OPRD1: variants seen among roughly 807,000 people sequenced by gnomAD.
The protein encoded by OPRD1 is delta-type opioid receptor.
In OPRD1, 19 loss-of-function variants were observed where a neutral mutation model predicts 17.5. That is an observed-to-expected ratio of 1.09 (90% CI 0.76 to 1.60). OPRD1 has a LOEUF of 1.60. OPRD1 is among the 40% of genes most tolerant of loss of function. The pLI, the probability that OPRD1 is intolerant of heterozygous loss-of-function variation, is 0.00. For missense variants in OPRD1, 483 were observed against 547.2 expected, an observed-to-expected ratio of 0.88 and a Z score of 1.17; for synonymous variants, 256 against 240.9, an observed-to-expected ratio of 1.06 and a Z score of -0.58.
Position 28,863,430 on chromosome 1 carries a change from G to T in OPRD1, c.*147G>T. ...AGATGGGGCCTCTGTTTCGGAGACGGGACCGGGCCGCTAGATGGGCATGGG... is the reference window on the plus strand; with the variant it reads ...AGATGGGGCCTCTGTTTCGGAGACGTGACCGGGCCGCTAGATGGGCATGGG... On this transcript the variant is annotated 3_prime_UTR_variant, in exon 3 of 3. Coordinates refer to ENST00000234961, the MANE Select transcript of OPRD1 (RefSeq NM_000911.4). 4 of 936,080 alleles carry T rather than the reference G, an allele frequency of 4.3e-6. No individual in the cohort carries two copies. The highest frequency in any genetic ancestry group is 5.9e-6 in the Non-Finnish European group (4 of 673,854). The allele number at this position is 936,080 out of a possible 1,614,324, so 58.0% of individuals were successfully genotyped here.
At chr1:28,858,709 C>A (rs1358974354) in intron 1 of OPRD1, among the ~76,000 whole-genome samples, 1 of 151,834 alleles carries the variant, frequency 6.6e-6, no homozygotes, top group Admixed American at 6.6e-5. Flanking sequence ...CCACACCCAG[C>A]TAATTTTTGT....
chr1:28,819,028 G>C (rs1391475351), intron 1 of OPRD1, among the ~76,000 whole-genome samples: 2 of 151,692 alleles, frequency 1.3e-5, no homozygotes, highest in East Asian at 1.9e-4. Context: ...TGGTGTGGGG[G>C]TGAGGGGTGG....
chr1:28,838,572 C>T (rs1196918502), intron 1 of OPRD1, among the ~76,000 whole-genome samples: 1 of 152,098 alleles, frequency 6.6e-6, no homozygotes, highest in Admixed American at 6.6e-5. Flanking sequence ...TACCAAGAGC[C>T]AGCAGAGAAG....
intron 1 of OPRD1, among the ~76,000 whole-genome samples, chr1:28,821,123 A>G (rs917528744): frequency 6.6e-6 from 1 of 151,502 alleles, no homozygotes; most frequent in African/African-American, 2.4e-5. Flanking sequence ...TTTTTTTGAG[A>G]CAGAGTCTTG....
intron 1 of OPRD1, among the ~76,000 whole-genome samples, chr1:28,824,587 G>A (rs536478980): frequency 3.9e-4 from 59 of 151,954 alleles, no homozygotes; most frequent in South Asian, 8.3e-4. Context: ...CAAAGTGCTG[G>A]GATTACAGGC....
intron 1 of OPRD1, among the ~76,000 whole-genome samples, chr1:28,833,672 G>A (rs1313292010): frequency 1.3e-5 from 2 of 152,186 alleles, no homozygotes; most frequent in Non-Finnish European, 2.9e-5. Flanking sequence ...GTCTAGCCAA[G>A]TCGACACATC....
In OPRD1 at chr1:28,863,476, G is replaced by C. The variant is rs2089145811; in HGVS notation, c.*193G>C. The C allele has an allele frequency of 1.7e-6, 1 of 603,770 alleles. No individual in the cohort carries two copies. 37.4% of individuals were successfully genotyped at this position (603,770 alleles called of 1,614,324 possible). A position where few individuals can be genotyped will look rare whatever the true frequency, so the allele number is the denominator to read the frequency against. On this transcript the variant is annotated 3_prime_UTR_variant, in exon 3 of 3. Coordinates refer to ENST00000234961, the MANE Select transcript of OPRD1 (RefSeq NM_000911.4). Reference sequence around the variant, plus strand: ...ATGGGGTGGGCCTCTGGTTTGGGGCGAGGCAGAGGACAGATCAATGGCGCA... The same window carrying C: ...ATGGGGTGGGCCTCTGGTTTGGGGCCAGGCAGAGGACAGATCAATGGCGCA...
At chr1:28,833,410 C>T (rs1164065816) in intron 1 of OPRD1, among the ~76,000 whole-genome samples, 5 of 152,130 alleles carry the variant, frequency 3.3e-5, no homozygotes, top group Non-Finnish European at 5.9e-5. Flanking sequence ...TGGCTTATAC[C>T]GTTGTGGGGT....
chr1:28,853,142 A>G (rs2089022912), intron 1 of OPRD1, among the ~76,000 whole-genome samples: 1 of 152,246 alleles, frequency 6.6e-6, no homozygotes, highest in South Asian at 2.1e-4. Context: ...GAGGAACATT[A>G]CTAGTGTTCA....
chr1:28,846,933 C>T (rs554459536), intron 1 of OPRD1, among the ~76,000 whole-genome samples: 248 of 137,660 alleles, frequency 1.8e-3, no homozygotes, highest in Non-Finnish European at 3.3e-3. Flanking sequence ...CTTTTTCTTC[C>T]TTCCTTCCTT....
chr1:28,858,991 T>C lies in OPRD1; in HGVS notation c.265T>C (p.Phe89Leu). The change falls in exon 2 of 3, where the codon TTC (phenylalanine) becomes CTC (leucine). Residue 89 changes from phenylalanine to leucine, a missense_variant. Physicochemically the swap from Phe to Leu is conservative, Grantham distance 22. Coordinates refer to ENST00000234961, the MANE Select transcript of OPRD1 (RefSeq NM_000911.4). The stretch of plus-strand genomic sequence containing the variant: ...GAAGACGGCCACCAACATCTACATC[T>C]TCAACCTGGCCTTAGCCGATGCGCT... ...KMKTATNIYI[F>L]NLALADALAT... is the part of the protein sequence containing the mutation. 6.2e-7 allele frequency: 1 copy of C among 1,613,424 alleles called. No individual in the cohort carries two copies. The highest frequency in any genetic ancestry group is 1.1e-5 in the South Asian group (1 of 91,088).
At position 28,865,575 on chromosome 1, in the gene OPRD1, G is replaced by T. The variant is rs1201189740; in HGVS notation, c.*2292G>T. ...TGAGGCTCCCAGCAGCCCCAGACCC[G>T]GGGATGTGCCTCCTTTGGGAAATGG... On this transcript the variant is annotated 3_prime_UTR_variant, in exon 3 of 3. Transcript: ENST00000234961. 1 of 152,186 alleles carries T rather than the reference G, an allele frequency of 6.6e-6. No individual in the cohort carries two copies. Among genetic ancestry groups the T allele is most frequent in the African/African-American group, 2.4e-5 (1 of 41,434 alleles). 9.4% of individuals were successfully genotyped at this position (152,186 alleles called of 1,614,324 possible).
intron 1 of OPRD1, among the ~76,000 whole-genome samples, chr1:28,846,645 T>C (rs1000782761): frequency 6.8e-6 from 1 of 147,378 alleles, no homozygotes; most frequent in Non-Finnish European, 1.5e-5. Flanking sequence ...ATTACAGCAC[T>C]GCACTCCAGC....
intron 1 of OPRD1, among the ~76,000 whole-genome samples, chr1:28,830,179 T>C (rs2088798896): frequency 6.6e-6 from 1 of 152,032 alleles, no homozygotes; most frequent in Non-Finnish European, 1.5e-5. Flanking sequence ...GTTCATCCTC[T>C]TACAGGCGTG....
intron 1 of OPRD1, among the ~76,000 whole-genome samples, chr1:28,848,121 AC>A: frequency 6.6e-6 from 1 of 151,874 alleles, no homozygotes; most frequent in East Asian, 1.9e-4. Context: ...GATGGCGGGT[AC>A]CTGTAATCCC....
At position 28,846,893 on chromosome 1, in the gene OPRD1, T is replaced by TC. The variant is rs762581648; in HGVS notation, c.228-12061_228-12060insC. ...TTCTTTCTTTCTTTCTTTCTTTCTT[T>TC]TCTCTTTCTTTCTTTTTCTTTCTTT... On this transcript the variant is annotated intron_variant, in intron 1 of 2. Transcript: ENST00000234961. Among the ~76,000 whole-genome samples the TC allele has an allele frequency of 4.7e-3, 215 of 45,648 alleles. 1 individual carries two copies. The highest frequency in any genetic ancestry group is 9.2e-3 in the African/African-American group (199 of 21,734). 29.9% of individuals were successfully genotyped at this position (45,648 alleles called of 152,430 possible).
At chr1:28,849,552 G>A (rs1381702516) in intron 1 of OPRD1, among the ~76,000 whole-genome samples, 4 of 152,102 alleles carry the variant, frequency 2.6e-5, no homozygotes, top group Non-Finnish European at 4.4e-5. Context: ...ACGTGCCCAC[G>A]CACACGTGCA....
intron 1 of OPRD1, among the ~76,000 whole-genome samples, chr1:28,826,112 G>C (rs925051061): frequency 6.6e-6 from 1 of 152,156 alleles, no homozygotes; most frequent in African/African-American, 2.4e-5. Context: ...GAGGGTGGCG[G>C]GGCTGCAGTT....
chr1:28,833,561 A>G (rs1052871078), intron 1 of OPRD1, among the ~76,000 whole-genome samples: 1 of 152,158 alleles, frequency 6.6e-6, no homozygotes, highest in Non-Finnish European at 1.5e-5. Flanking sequence ...GATCAAGGAT[A>G]ATCTCCTTAA....
Sources: gnomAD v4.1 joint callset for allele counts (sites outside exome capture counted in the v4.1 genomes callset) on GRCh38, gnomAD v4.1.1 for gene constraint, MANE v1.5 for transcripts, NCBI Gene and HGNC (gene_info 2026-07-23, HGNC 2026-07-21) for gene names.